Variants in MBNL1 observed in about 807,000 individuals in gnomAD.
MBNL1 encodes the protein muscleblind-like protein 1.
Under a neutral mutation model 42.2 loss-of-function variants are expected in MBNL1, and 8 were observed. The observed-to-expected ratio is 0.19, with a 90% CI of 0.11 to 0.34. The LOEUF (loss-of-function observed/expected upper bound fraction) is 0.34, where lower values mean the gene tolerates loss of function less well. MBNL1 is among the 10% of genes least tolerant of loss of function. The pLI is 1.00. For synonymous variants in MBNL1, 169 were observed against 173.9 expected (o/e 0.97, Z 0.22); for missense variants, 309 against 495.3 (o/e 0.62, Z 3.57).
intron 2 of MBNL1, chr3:152,338,089 T>G (rs1374527840): frequency 1.0e-5 from 10 of 959,462 alleles, no homozygotes; most frequent in Non-Finnish European, 1.2e-5. Context: ...AGGCATGCTA[T>G]AATATGTATT....
chr3:152,325,090 C>CCCCCCCCT lies in MBNL1; in HGVS notation c.174+24729_174+24730insCTCCCCCC, dbSNP rs978357315. ...TCCCATGTAATGCCACATACCCGCC[C>CCCCCCCCT]CCCCCCGCCCGCTTTTTTTTCATTT... On this transcript the variant is annotated intron_variant, in intron 2 of 9. Transcript: ENST00000324210. Among the ~76,000 whole-genome samples the CCCCCCCCT allele has an allele frequency of 3.1e-5, 2 of 64,698 alleles. 1 individual carries two copies. Among genetic ancestry groups the CCCCCCCCT allele is most frequent in the Non-Finnish European group, 7.5e-5 (2 of 26,630 alleles). 42.4% of individuals were successfully genotyped at this position (64,698 alleles called of 152,430 possible). A position where few individuals can be genotyped will look rare whatever the true frequency, so the allele number is the denominator to read the frequency against.
rs571375124 is a variant in MBNL1, at chr3:152,404,191, G to T, written c.175-10750G>T. On this transcript the variant is annotated intron_variant, in intron 2 of 9. Coordinates refer to ENST00000324210, the MANE Select transcript of MBNL1 (RefSeq NM_021038.5). ...GAAAAAGAAAGGGTCTTTGTATTTG[G>T]CAAAGACAATGCAGAGCAGTGTAAT... Among the ~76,000 whole-genome samples, 152 of 152,242 alleles carry T rather than the reference G, an allele frequency of 1.0e-3. No individual in the cohort carries two copies. The Middle Eastern group carries it at 0.017, about 17-fold the overall frequency.
intron 4 of MBNL1, among the ~76,000 whole-genome samples, chr3:152,438,137 CA>C (rs561206538): frequency 5.9e-5 from 9 of 152,236 alleles, no homozygotes; most frequent in African/African-American, 2.2e-4. Flanking sequence ...TCAAGATGCA[CA>C]GTAATTTTTT....
intron 2 of MBNL1, among the ~76,000 whole-genome samples, chr3:152,260,098 A>G (rs1342057176): frequency 6.6e-6 from 1 of 152,228 alleles, no homozygotes; most frequent in African/African-American, 2.4e-5. Context: ...CCAGGTGCTC[A>G]GTGACTATTG....
chr3:152,400,589 G>A lies in MBNL1; in HGVS notation c.175-14352G>A, dbSNP rs369711211. Among the ~76,000 whole-genome samples, 17 of 152,214 alleles carry A rather than the reference G, an allele frequency of 1.1e-4. No homozygotes were observed. The South Asian group carries it at 2.3e-3, about 20-fold the overall frequency. On this transcript the variant is annotated intron_variant, in intron 2 of 9. Coordinates refer to ENST00000324210, the MANE Select transcript of MBNL1 (RefSeq NM_021038.5). ...TTGATGTTGTGGATCTGTTATCCCCGCTTTTTCCTTGAAATATTTTCTTTT... is the reference window on the plus strand; with the variant it reads ...TTGATGTTGTGGATCTGTTATCCCCACTTTTTCCTTGAAATATTTTCTTTT...
chr3:152,416,106 GT>G (rs896546330), intron 3 of MBNL1, among the ~76,000 whole-genome samples: 22 of 151,854 alleles, frequency 1.4e-4, no homozygotes, highest in Non-Finnish European at 2.6e-4. Flanking sequence ...CATGTGTGCT[GT>G]TTTTTTTCCG....
At chr3:152,437,417 A>G (rs1023038660) in intron 4 of MBNL1, among the ~76,000 whole-genome samples, 3 of 152,232 alleles carry the variant, frequency 2.0e-5, no homozygotes, top group East Asian at 3.8e-4. Context: ...CAGGAATTCA[A>G]GAATTACTGC....
At chr3:152,386,292 G>C (rs1378993842) in intron 2 of MBNL1, among the ~76,000 whole-genome samples, 1 of 152,132 alleles carries the variant, frequency 6.6e-6, no homozygotes, top group East Asian at 1.9e-4. Flanking sequence ...GAATGCATTT[G>C]ATGCTCTCTT....
intron 2 of MBNL1, among the ~76,000 whole-genome samples, chr3:152,376,514 A>G (rs1291760474): frequency 6.6e-6 from 1 of 152,190 alleles, no homozygotes; most frequent in East Asian, 1.9e-4. Flanking sequence ...TAGAAGTAAA[A>G]TGTGATGTTT....
Position 152,464,029 on chromosome 3 carries a change from A to G in MBNL1, c.*1663A>G, listed in dbSNP as rs1000127533. 3.3e-5 allele frequency: 5 copies of G among 152,634 alleles called. No homozygotes were observed. Among genetic ancestry groups the G allele is most frequent in the Admixed American group, 2.0e-4 (3 of 15,284 alleles). 9.5% of individuals were successfully genotyped at this position (152,634 alleles called of 1,614,324 possible). A position where few individuals can be genotyped will look rare whatever the true frequency, so the allele number is the denominator to read the frequency against. On this transcript the variant is annotated 3_prime_UTR_variant, in exon 10 of 10. Transcript: ENST00000324210. ...ACATTACGGGTTGGAACCCATACCA[A>G]TGTAATTTCAATCGTGTTAAGAAAG...
intron 2 of MBNL1, among the ~76,000 whole-genome samples, chr3:152,365,128 G>C (rs1010674637): frequency 6.6e-6 from 1 of 152,082 alleles, no homozygotes; most frequent in African/African-American, 2.4e-5. Context: ...ATTTGAAATA[G>C]ATGCAAGTCA....
chr3:152,421,369 A>G (rs572876979), intron 3 of MBNL1, among the ~76,000 whole-genome samples: 17 of 152,286 alleles, frequency 1.1e-4, no homozygotes, highest in Middle Eastern at 3.4e-3. Flanking sequence ...GTTCTTGCTC[A>G]GTGGATCCCA....
rs372758578 is a variant in MBNL1, at chr3:152,257,281, C to T, written n.333+12841C>T. On this transcript the variant is annotated intron_variant and non_coding_transcript_variant, in intron 2 of 2. Transcript: ENST00000477171. ...AACCTATTAAAAGTATGAGAGCATT[C>T]GATTTTCTACAATAATAGTACACAT... Among the ~76,000 whole-genome samples, 11 of 152,158 alleles carry T rather than the reference C, an allele frequency of 7.2e-5. No individual in the cohort carries two copies. The East Asian group carries it at 1.9e-3, about 27-fold the overall frequency.
At chr3:152,437,676 CACA>C (rs949509932) in intron 4 of MBNL1, among the ~76,000 whole-genome samples, 10 of 152,042 alleles carry the variant, frequency 6.6e-5, no homozygotes, top group Admixed American at 5.2e-4. Context: ...CACATATACA[CACA>C]ACATGAGATT....
At chr3:152,443,320 T>G (rs566008479) in intron 4 of MBNL1, among the ~76,000 whole-genome samples, 1 of 152,182 alleles carries the variant, frequency 6.6e-6, no homozygotes, top group East Asian at 1.9e-4. Context: ...CAATTCATTT[T>G]GAGCATATTC....
chr3:152,318,665 A>G (rs746431231), intron 2 of MBNL1, among the ~76,000 whole-genome samples: 7 of 152,168 alleles, frequency 4.6e-5, no homozygotes, highest in Non-Finnish European at 8.8e-5. Context: ...TCACCCAGAG[A>G]CATAGTGCTT....
intron 1 of MBNL1, chr3:152,269,829 A>C: frequency 6.1e-6 from 1 of 164,080 alleles, no homozygotes; most frequent in Non-Finnish European, 1.3e-5. Flanking sequence ...AATTGCTTTC[A>C]TGAAAGGTTG....
intron 3 of MBNL1, among the ~76,000 whole-genome samples, chr3:152,428,389 A>G (rs1186135035): frequency 6.6e-6 from 1 of 152,188 alleles, no homozygotes; most frequent in African/African-American, 2.4e-5. Flanking sequence ...GCAGTGGTAT[A>G]TGCTGATTCG....
intron 1 of MBNL1, among the ~76,000 whole-genome samples, chr3:152,287,218 A>G (rs1215589582): frequency 1.3e-5 from 2 of 152,110 alleles, no homozygotes; most frequent in Non-Finnish European, 2.9e-5. Flanking sequence ...CCGTCTCAAA[A>G]AAAAAAAAAA....
Sources: allele counts gnomAD v4.1 joint callset (sites outside exome capture counted in the v4.1 genomes callset), GRCh38; gene constraint gnomAD v4.1.1; transcripts MANE v1.5; gene names NCBI Gene and HGNC (gene_info 2026-07-23, HGNC 2026-07-21).